Variants in CCDC174 observed in about 807,000 individuals in gnomAD.
The protein encoded by CCDC174 is coiled-coil domain containing 174, also known as coiled-coil domain-containing protein 174.
Under a neutral mutation model 57.1 loss-of-function variants are expected in CCDC174, and 37 were observed. The ratio of observed to expected loss-of-function variants is 0.65; its 90% confidence interval spans 0.50 to 0.85. The LOEUF (loss-of-function observed/expected upper bound fraction) is 0.85, where lower values mean the gene tolerates loss of function less well. Among genes scored for constraint, CCDC174 ranks in the 40% least tolerant of loss-of-function variants. The pLI is 0.00. For missense variants in CCDC174, 540 were observed against 574.3 expected, an observed-to-expected ratio of 0.94 and a Z score of 0.61; for synonymous variants, 182 against 190.2, an observed-to-expected ratio of 0.96 and a Z score of 0.35.
chr3:14,655,145 G>A (rs756928341), intron 2 of CCDC174, among the ~76,000 whole-genome samples: 3 of 151,754 alleles, frequency 2.0e-5, no homozygotes, highest in Admixed American at 6.6e-5. Context: ...GCAAAACCCC[G>A]TCTCTACAAA....
Position 14,654,603 on chromosome 3 carries a change from A to T in CCDC174, c.147+73A>T, listed in dbSNP as rs2030887600. 4.1e-6 allele frequency: 3 copies of T among 731,926 alleles called. No individual in the cohort carries two copies. In the Admixed American group the frequency reaches 8.8e-5, roughly 22 times the overall value. 45.3% of individuals were successfully genotyped at this position (731,926 alleles called of 1,614,324 possible). The stretch of plus-strand genomic sequence containing the variant: ...ATTATACCATATTTAAGTGTTTTAA[A>T]ATTGTCAGTGGTATCTGTACACATA... On this transcript the variant is annotated intron_variant, in intron 2 of 10. Transcript: ENST00000383794.
chr3:14,651,996 C>G, intron 1 of CCDC174, 118 bp downstream of exon 1: 1 of 964,730 alleles, frequency 1.0e-6, no homozygotes. Flanking sequence ...CCTCTCCCCT[C>G]AAACAGGAAC....
intron 4 of CCDC174, 81 bp downstream of exon 4, chr3:14,659,010 G>A (rs2031045621): frequency 2.4e-6 from 3 of 1,272,466 alleles, no homozygotes; most frequent in East Asian, 2.8e-5. Context: ...TAAAATAACT[G>A]TAGGAGTAGA....
intron 3 of CCDC174, among the ~76,000 whole-genome samples, chr3:14,658,479 G>A (rs1276600851): frequency 6.6e-6 from 1 of 152,232 alleles, no homozygotes; most frequent in African/African-American, 2.4e-5. Flanking sequence ...ACTGTGAGCA[G>A]AGAGGCTGCT....
intron 4 of CCDC174, among the ~76,000 whole-genome samples, 195 bp downstream of exon 4, chr3:14,659,124 G>C (rs2124835487): frequency 6.6e-6 from 1 of 152,260 alleles, no homozygotes; most frequent in Middle Eastern, 3.4e-3. Context: ...AGCATGTTAG[G>C]TGCCTGGAAG....
chr3:14,668,159 T>TG lies in CCDC174; in HGVS notation c.932dup (p.Thr312AsnfsTer6). On this transcript the variant is annotated frameshift_variant, in exon 9 of 11. Coordinates refer to ENST00000383794, the MANE Select transcript of CCDC174 (RefSeq NM_016474.5). LOFTEE classifies it high-confidence loss of function. ...AAAAGATGAAAAAATCAAAAGAAGG[T>TG]GGAACAGAAGAAGAAAATAGAGGTA... is the stretch of plus-strand genomic sequence containing the variant. 1 of 1,611,248 alleles carries TG rather than the reference T, an allele frequency of 6.2e-7. No individual in the cohort carries two copies. Among genetic ancestry groups the TG allele is most frequent in the Non-Finnish European group, 8.5e-7 (1 of 1,179,106 alleles).
chr3:14,651,991 C>T (rs968937372), intron 1 of CCDC174, 113 bp downstream of exon 1: 9 of 1,041,054 alleles, frequency 8.6e-6, no homozygotes, highest in Admixed American at 4.0e-5. Context: ...CCTGACCTCT[C>T]CCCTCAAACA....
In CCDC174 at chr3:14,654,497, T is replaced by C. The variant is rs1207051579; in HGVS notation, c.114T>C (p.Ser38=). 1 of 1,600,874 alleles carries C rather than the reference T, an allele frequency of 6.2e-7. No individual in the cohort carries two copies. Among genetic ancestry groups the C allele is most frequent in the Non-Finnish European group, 8.5e-7 (1 of 1,171,656 alleles). The change falls in exon 2 of 11, where the codon TCT becomes TCC. Residue 38 remains serine, a synonymous_variant. Transcript: ENST00000383794. ...AACAAGAAAAACTTCTAAAAGATTCTGGAGTTTTTGGAAAACCAAAAACAA... is the reference window on the plus strand; with the variant it reads ...AACAAGAAAAACTTCTAAAAGATTCCGGAGTTTTTGGAAAACCAAAAACAA... The part of the protein sequence containing the change: ...EFKQEKLLKD[S]GVFGKPKTTN...
intron 1 of CCDC174, among the ~76,000 whole-genome samples, chr3:14,652,196 G>A (rs182765187): frequency 2.0e-5 from 3 of 152,278 alleles, no homozygotes; most frequent in African/African-American, 7.2e-5. Flanking sequence ...CACCTCGTCA[G>A]CCTTCTCCCT....
chr3:14,656,047 T>C (rs1314237854), intron 3 of CCDC174, among the ~76,000 whole-genome samples: 1 of 152,176 alleles, frequency 6.6e-6, no homozygotes, highest in Non-Finnish European at 1.5e-5. Context: ...TCACATGTGC[T>C]TTCCCTCTCT....
At chr3:14,657,596 CTG>C (rs2124833627) in intron 3 of CCDC174, among the ~76,000 whole-genome samples, 1 of 152,334 alleles carries the variant, frequency 6.6e-6, no homozygotes, top group East Asian at 1.9e-4. Flanking sequence ...CCCCTGAAAA[CTG>C]TTGCTACACT....
At chr3:14,669,869 T>A in intron 9 of CCDC174, 65 bp from the exon 10 acceptor site, 2 of 1,521,084 alleles carry the variant, frequency 1.3e-6, no homozygotes, top group Non-Finnish European at 1.8e-6. Flanking sequence ...ATTAGCATGT[T>A]CTGTATTTTT....
In CCDC174 at chr3:14,661,676, AT is replaced by A; in HGVS notation, c.455del (p.Ile152ThrfsTer25). The A allele has an allele frequency of 6.2e-7, 1 of 1,613,998 alleles. No homozygotes were observed. Among genetic ancestry groups the A allele is most frequent in the Non-Finnish European group, 8.5e-7 (1 of 1,179,926 alleles). ...DDEENLPEGE[I>X]PPPQDPSEEW... ...TGAGGAAAACCTTCCTGAGGGAGAG[AT>A]CCCTCCTCCCCAAGACCCCAGTGAA... is the stretch of plus-strand genomic sequence containing the variant. On this transcript the variant is annotated frameshift_variant, in exon 5 of 11. Coordinates refer to ENST00000383794, the MANE Select transcript of CCDC174 (RefSeq NM_016474.5). LOFTEE classifies it high-confidence loss of function.
chr3:14,668,252 C>G (rs898983911), intron 9 of CCDC174, 71 bp downstream of exon 9: 1 of 1,413,654 alleles, frequency 7.1e-7, no homozygotes, highest in Admixed American at 2.3e-5. Context: ...GCTAATAGGG[C>G]TGGCAATGTG....
intron 1 of CCDC174, among the ~76,000 whole-genome samples, chr3:14,652,822 A>C (rs993364907): frequency 6.7e-6 from 1 of 149,504 alleles, no homozygotes; most frequent in African/African-American, 2.5e-5. Flanking sequence ...GAATCGCTTG[A>C]ACCGGGGAGG....
Position 14,654,547 on chromosome 3 carries a change from A to G in CCDC174, c.147+17A>G, listed in dbSNP as rs757762717. ...ACTAACAAGGTAAAAAATAAGATCT[A>G]ATTATCTCCATTGGTTCCAAACATG... is the stretch of plus-strand genomic sequence containing the variant. On this transcript the variant is annotated intron_variant, in intron 2 of 10. Transcript: ENST00000383794. 5 of 1,192,116 alleles carry G rather than the reference A, an allele frequency of 4.2e-6. No homozygotes were observed. Among genetic ancestry groups the G allele is most frequent in the Admixed American group, 1.9e-5 (1 of 52,122 alleles). 73.8% of individuals were successfully genotyped at this position (1,192,116 alleles called of 1,614,324 possible).
chr3:14,665,194 A>G, intron 6 of CCDC174, 71 bp downstream of exon 6: 1 of 1,019,192 alleles, frequency 9.8e-7, no homozygotes, highest in Non-Finnish European at 1.6e-6. Flanking sequence ...TTGTGAGGGG[A>G]GGCTGTTTTA....
chr3:14,666,746 T>A, intron 6 of CCDC174, 59 bp from the exon 7 acceptor site: 1 of 1,409,356 alleles, frequency 7.1e-7, no homozygotes, highest in Non-Finnish European at 9.6e-7. Context: ...CTGACTGTAC[T>A]TAAACACTGA....
chr3:14,661,790 C>A, intron 5 of CCDC174, 83 bp downstream of exon 5: 1 of 1,249,794 alleles, frequency 8.0e-7, no homozygotes, highest in Non-Finnish European at 1.1e-6. Context: ...GGGTTGTTAT[C>A]GAGCCATTTC....
Sources: gnomAD v4.1 joint callset for allele counts (sites outside exome capture counted in the v4.1 genomes callset) on GRCh38, gnomAD v4.1.1 for gene constraint, MANE v1.5 for transcripts, NCBI Gene and HGNC (gene_info 2026-07-23, HGNC 2026-07-21) for gene names.